The following PIH1D1 variants were observed in gnomAD, a reference collection of about 807,000 sequenced individuals.
PIH1D1 encodes PIH1 domain-containing protein 1.
A neutral mutation model predicts 38.5 loss-of-function variants in PIH1D1; 28 were observed. That is an observed-to-expected ratio of 0.73 (90% CI 0.54 to 1.00). PIH1D1 has a LOEUF of 1.00. Ranked by LOEUF, PIH1D1 falls within the 50% of genes least tolerant of loss-of-function variation. The probability of loss-of-function intolerance (pLI) is 0.00; values close to 1 mark genes in which losing one functional copy is unlikely to be tolerated. For missense variants in PIH1D1, 343 were observed against 369.9 expected (o/e 0.93, Z 0.60); for synonymous variants, 155 against 153.5 (o/e 1.01, Z -0.07).
chr19:49,448,538 ACTC>A (rs1378074941), intron 3 of PIH1D1: 2 of 175,874 alleles, frequency 1.1e-5, no homozygotes, highest in Non-Finnish European at 2.4e-5. Context: ...TGCCTGCTGA[ACTC>A]CTCCTGTTCC....
chr19:49,450,981 C>G (rs770112178), intron 1 of PIH1D1, 133 bp from the exon 2 acceptor site: 2 of 1,507,928 alleles, frequency 1.3e-6, no homozygotes, highest in East Asian at 4.8e-5. Context: ...GGTCCCCTTT[C>G]TCCTTTGAGA....
At chr19:49,448,311 T>C (rs2079037513) in intron 3 of PIH1D1, 4 of 536,028 alleles carry the variant, frequency 7.5e-6, no homozygotes, top group Non-Finnish European at 1.3e-5. Flanking sequence ...TCACAGCTCT[T>C]CTCTGGCTCC....
chr19:49,447,424 C>A lies in PIH1D1; in HGVS notation c.525G>T (p.Ser175=), dbSNP rs376977224. The change falls in exon 6 of 9, where the codon TCG becomes TCT. Residue 175 remains serine, a synonymous_variant. Coordinates refer to ENST00000262265, the MANE Select transcript of PIH1D1 (RefSeq NM_017916.3). ...MKNRPFMGSI[S]QQNIRSEQRP... ...GCTGCTCCGAGCGGATGTTCTGCTG[C>A]GAGATGGAGCCCATGAATGGCCGGT... The A allele has an allele frequency of 4.9e-5, 79 of 1,612,426 alleles. No homozygotes were observed. The highest frequency in any genetic ancestry group is 6.6e-5 in the Non-Finnish European group (78 of 1,179,974).
intron 1 of PIH1D1, 67 bp downstream of exon 1, chr19:49,451,418 G>C (rs770569066): frequency 1.2e-6 from 2 of 1,603,304 alleles, no homozygotes; most frequent in Non-Finnish European, 1.7e-6. Context: ...GGGAACTGCA[G>C]TCCCATCTTT....
In PIH1D1 at chr19:49,451,662, C is replaced by T. The variant is rs1044436023; in HGVS notation, c.-88G>A. On this transcript the variant is annotated 5_prime_UTR_variant, in exon 1 of 9. Transcript: ENST00000262265. ...CCGAACCCCAGTGCCTGCTCTGGCC[C>T]TCAATCGACTCCGGATACCTACTAT... is the stretch of plus-strand genomic sequence containing the variant. 1.5e-5 allele frequency: 24 copies of T among 1,555,510 alleles called. No homozygotes were observed. The highest frequency in any genetic ancestry group is 1.9e-5 in the Non-Finnish European group (22 of 1,155,802).
At chr19:49,447,658 C>T (rs1425132954) in intron 5 of PIH1D1, 169 bp downstream of exon 5, 2 of 932,446 alleles carry the variant, frequency 2.1e-6, no homozygotes, top group African/African-American at 1.6e-5. Context: ...TAAAACCCAC[C>T]CCTGGAGATG....
intron 3 of PIH1D1, 109 bp downstream of exon 3, chr19:49,449,366 G>T: frequency 1.0e-6 from 1 of 991,858 alleles, no homozygotes; most frequent in African/African-American, 1.6e-5. Context: ...AGATCGAGGG[G>T]CCAGATCTCC....
chr19:49,449,691 GCA>G, intron 2 of PIH1D1, 37 bp from the exon 3 acceptor site: 1 of 1,559,088 alleles, frequency 6.4e-7, no homozygotes, highest in Non-Finnish European at 8.8e-7. Flanking sequence ...ATCCTTTTCT[GCA>G]CAAGTCCCAG....
chr19:49,450,758 T>C (rs1193897971), intron 2 of PIH1D1, 24 bp downstream of exon 2: 3 of 1,472,474 alleles, frequency 2.0e-6, no homozygotes, highest in Non-Finnish European at 2.7e-6. Context: ...CTCCTGTCCC[T>C]CTCTCTCCGG....
Position 49,451,461 on chromosome 19 carries a change from G to T in PIH1D1, c.90+24C>A, listed in dbSNP as rs776443986. 3.1e-6 allele frequency: 5 copies of T among 1,613,302 alleles called. No individual in the cohort carries two copies. The Admixed American group carries it at 8.3e-5, about 27-fold the overall frequency. On this transcript the variant is annotated intron_variant, in intron 1 of 8. Transcript: ENST00000262265. ...CCGCCAAAATCCCCGAATACTCAAGGATCCAGGGGTCCGGTCACTGCACCT... is the reference window on the plus strand; with the variant it reads ...CCGCCAAAATCCCCGAATACTCAAGTATCCAGGGGTCCGGTCACTGCACCT...
At chr19:49,450,574 G>GC (rs2079052166) in intron 2 of PIH1D1, among the ~76,000 whole-genome samples, 1 of 151,808 alleles carries the variant, frequency 6.6e-6, no homozygotes, top group Admixed American at 6.6e-5. Context: ...ACGTGCCACC[G>GC]CACCTGGCCT....
chr19:49,450,648 C>A (rs2079052509), intron 2 of PIH1D1, 134 bp downstream of exon 2: 1 of 839,074 alleles, frequency 1.2e-6, no homozygotes, highest in Non-Finnish European at 1.9e-6. Flanking sequence ...TCCTTTCTGT[C>A]CTAGGATGAT....
At position 49,451,579 on chromosome 19, in the gene PIH1D1, C is replaced by T; in HGVS notation, c.-5G>A. Reference sequence around the variant, plus strand: ...CAGCAGCTTCGGGTTCGCCATGGCCCTGGGAAAGAGATCTAGGCGTCCTCG... The same window carrying T: ...CAGCAGCTTCGGGTTCGCCATGGCCTTGGGAAAGAGATCTAGGCGTCCTCG... On this transcript the variant is annotated 5_prime_UTR_variant, in exon 1 of 9. Coordinates refer to ENST00000262265, the MANE Select transcript of PIH1D1 (RefSeq NM_017916.3). 1 of 1,612,878 alleles carries T rather than the reference C, an allele frequency of 6.2e-7. No individual in the cohort carries two copies. Among genetic ancestry groups the T allele is most frequent in the Non-Finnish European group, 8.5e-7 (1 of 1,179,858 alleles).
At chr19:49,448,144 T>C (rs1210849058) in intron 3 of PIH1D1, 82 bp from the exon 4 acceptor site, 1 of 1,381,872 alleles carries the variant, frequency 7.2e-7, no homozygotes, top group Non-Finnish European at 1.0e-6. Context: ...GAAGAAACAT[T>C]CAGGGACAGC....
rs780496570 is a variant in PIH1D1, at chr19:49,450,853, A to G, written c.91-5T>C. On this transcript the variant is annotated splice_polypyrimidine_tract_variant and splice_region_variant and intron_variant, in intron 1 of 8. Transcript: ENST00000262265. ...TTGCTGGAGCTCCTTCGAGGCCTGT[A>G]TAAAGGAAAACTACCTCCAGGCTCG... is the stretch of plus-strand genomic sequence containing the variant. 3 of 1,613,562 alleles carry G rather than the reference A, an allele frequency of 1.9e-6. No homozygotes were observed. The South Asian group carries it at 3.3e-5, about 18-fold the overall frequency.
chr19:49,448,111 C>T, intron 3 of PIH1D1, 49 bp from the exon 4 acceptor site: 1 of 1,578,360 alleles, frequency 6.3e-7, no homozygotes, highest in Non-Finnish European at 8.7e-7. Flanking sequence ...CTGCAGGAAG[C>T]CCACAGCCCA....
In PIH1D1 at chr19:49,451,675, G is replaced by A. The variant is rs767651559; in HGVS notation, c.-101C>T. 8 of 1,532,718 alleles carry A rather than the reference G, an allele frequency of 5.2e-6. No homozygotes were observed. The highest frequency in any genetic ancestry group is 1.4e-5 in the African/African-American group (1 of 72,486). The allele number at this position is 1,532,718 out of a possible 1,614,324, so 94.9% of individuals were successfully genotyped here. ...CCTGCTCTGGCCCTCAATCGACTCC[G>A]GATACCTACTATCCTGTTCAAAAAC... On this transcript the variant is annotated 5_prime_UTR_variant, in exon 1 of 9. Transcript: ENST00000262265.
In PIH1D1 at chr19:49,447,461, C is replaced by G. The variant is rs773505984; in HGVS notation, c.488G>C (p.Arg163Pro). Residue 163 changes from arginine to proline, a missense_variant, in exon 6 of 9, where the codon CGC becomes CCC. Physicochemically the swap from Arg to Pro is moderately radical, Grantham distance 103 (BLOSUM62 -2). Coordinates refer to ENST00000262265, the MANE Select transcript of PIH1D1 (RefSeq NM_017916.3). ...KYNLQLNPEW[R>P]MMKNRPFMGS... The stretch of plus-strand genomic sequence containing the variant: ...CATGAATGGCCGGTTCTTCATCATG[C>G]GCCATTCTGAGGGTCAGGAGCGCCG... The G allele has an allele frequency of 1.2e-6, 2 of 1,609,084 alleles. No homozygotes were observed. Among genetic ancestry groups the G allele is most frequent in the South Asian group, 2.2e-5 (2 of 91,076 alleles).
rs1207828597 is a variant in PIH1D1, at chr19:49,451,640, A to T, written c.-66T>A. 1 of 1,593,206 alleles carries T rather than the reference A, an allele frequency of 6.3e-7. No homozygotes were observed. Among genetic ancestry groups the T allele is most frequent in the Non-Finnish European group, 8.5e-7 (1 of 1,173,406 alleles). On this transcript the variant is annotated 5_prime_UTR_variant, in exon 1 of 9. Transcript: ENST00000262265. Reference sequence around the variant, plus strand: ...CGTGGGAAACTTTGCCCAGGATCCGAACCCCAGTGCCTGCTCTGGCCCTCA... The same window carrying T: ...CGTGGGAAACTTTGCCCAGGATCCGTACCCCAGTGCCTGCTCTGGCCCTCA...
Sources: gnomAD v4.1 joint callset for allele counts (sites outside exome capture counted in the v4.1 genomes callset) on GRCh38, gnomAD v4.1.1 for gene constraint, MANE v1.5 for transcripts, NCBI Gene and HGNC (gene_info 2026-07-23, HGNC 2026-07-21) for gene names.